VPS13B: variants seen among roughly 807,000 people sequenced by gnomAD.
VPS13B encodes intermembrane lipid transfer protein VPS13B.
In VPS13B, 285 loss-of-function variants were observed where a neutral mutation model predicts 426.4. The observed-to-expected ratio is 0.67, with a 90% CI of 0.61 to 0.74. The LOEUF (loss-of-function observed/expected upper bound fraction) is 0.74, where lower values mean the gene tolerates loss of function less well. Among genes scored for constraint, VPS13B ranks in the 30% least tolerant of loss-of-function variants. The probability of loss-of-function intolerance (pLI) is 0.00; values close to 1 mark genes in which losing one functional copy is unlikely to be tolerated. For synonymous variants in VPS13B, 1,676 were observed against 1,676.4 expected, an observed-to-expected ratio of 1.00 and a Z score of 0.01; for missense variants, 4,537 against 4,782.6, an observed-to-expected ratio of 0.95 and a Z score of 1.51.
chr8:99,756,021 T>A (rs963577614), intron 39 of VPS13B, among the ~76,000 whole-genome samples: 8 of 152,046 alleles, frequency 5.3e-5, no homozygotes, highest in African/African-American at 1.7e-4. Flanking sequence ...AGCCCAGATG[T>A]TGGACTTATT....
intron 14 of VPS13B, among the ~76,000 whole-genome samples, chr8:99,152,948 G>A (rs1811151164): frequency 6.6e-6 from 1 of 152,110 alleles, no homozygotes; most frequent in African/African-American, 2.4e-5. Context: ...AGGTAGAAGT[G>A]GACTGATCAC....
chr8:99,172,041 T>C (rs1416229049), intron 16 of VPS13B, among the ~76,000 whole-genome samples: 1 of 152,138 alleles, frequency 6.6e-6, no homozygotes, highest in Non-Finnish European at 1.5e-5. Flanking sequence ...GGCGAAGAAT[T>C]TGGACAGTTA....
intron 19 of VPS13B, among the ~76,000 whole-genome samples, chr8:99,333,424 C>T (rs1038616317): frequency 2.6e-5 from 4 of 151,752 alleles, no homozygotes; most frequent in African/African-American, 9.7e-5. Context: ...ATGATAACAT[C>T]TTACAAAATT....
Position 99,346,856 on chromosome 8 carries a change from T to C in VPS13B, c.2825-37352T>C, listed in dbSNP as rs182048320. On this transcript the variant is annotated intron_variant, in intron 19 of 61. Transcript: ENST00000357162. ...CATGGTTGTCAGGAAGTAAATCTCT[T>C]GGTTGAAGTTGATGGTGACAGAAAT... 6 of 152,578 alleles carry C rather than the reference T, an allele frequency of 3.9e-5. No individual in the cohort carries two copies. The East Asian group carries it at 1.2e-3, about 29-fold the overall frequency. 9.5% of individuals were successfully genotyped at this position (152,578 alleles called of 1,614,324 possible). A position where few individuals can be genotyped will look rare whatever the true frequency, so the allele number is the denominator to read the frequency against.
chr8:99,360,283 TTTC>T (rs1812489315), intron 19 of VPS13B, among the ~76,000 whole-genome samples: 9 of 141,384 alleles, frequency 6.4e-5, no homozygotes, highest in African/African-American at 2.4e-4. Flanking sequence ...TCCTTCCTTC[TTTC>T]TTTTTTTTTG....
At chr8:99,465,782 A>T (rs185645112) in intron 23 of VPS13B, among the ~76,000 whole-genome samples, 1 of 152,036 alleles carries the variant, frequency 6.6e-6, no homozygotes. Flanking sequence ...TCCTAGGGGG[A>T]AAAATATTTT....
chr8:99,104,103 C>A (rs1264183913), intron 5 of VPS13B, among the ~76,000 whole-genome samples: 4 of 152,166 alleles, frequency 2.6e-5, no homozygotes, highest in Non-Finnish European at 4.4e-5. Flanking sequence ...AGTGTACTTA[C>A]ACAAACCTAG....
At chr8:99,480,304 C>T (rs1160363257) in intron 24 of VPS13B, among the ~76,000 whole-genome samples, 3 of 152,130 alleles carry the variant, frequency 2.0e-5, no homozygotes, top group East Asian at 1.9e-4. Flanking sequence ...ACAGTGTACT[C>T]GTTGCCATTC....
At chr8:99,444,309 G>A (rs1304062311) in intron 23 of VPS13B, among the ~76,000 whole-genome samples, 1 of 152,036 alleles carries the variant, frequency 6.6e-6, no homozygotes, top group Non-Finnish European at 1.5e-5. Context: ...ATATTGGCCA[G>A]GCTGGTTTCA....
At chr8:99,652,717 T>A (rs574937153) in intron 34 of VPS13B, among the ~76,000 whole-genome samples, 1 of 152,240 alleles carries the variant, frequency 6.6e-6, no homozygotes, top group African/African-American at 2.4e-5. Flanking sequence ...ATATGCCTCT[T>A]TAGAATTAAG....
At chr8:99,532,242 C>A (rs1487019) in intron 30 of VPS13B, among the ~76,000 whole-genome samples, 152,257 of 152,260 alleles carry the variant, frequency 1, 76,127 homozygotes, top group Middle Eastern at 1. Context: ...AACCGTTTTA[C>A]ATTTTTTTGC....
chr8:99,612,048 A>G (rs936172110), intron 33 of VPS13B, among the ~76,000 whole-genome samples: 1 of 152,146 alleles, frequency 6.6e-6, no homozygotes, highest in Non-Finnish European at 1.5e-5. Flanking sequence ...GAGACACAGA[A>G]AATTTTAAGT....
chr8:99,357,438 A>T (rs1339452486), intron 19 of VPS13B, among the ~76,000 whole-genome samples: 1 of 152,160 alleles, frequency 6.6e-6, no homozygotes, highest in Non-Finnish European at 1.5e-5. Flanking sequence ...TCAGATTAAC[A>T]AACTGTTATG....
intron 21 of VPS13B, among the ~76,000 whole-genome samples, chr8:99,416,393 C>T (rs1234601624): frequency 1.3e-5 from 2 of 152,140 alleles, no homozygotes; most frequent in Non-Finnish European, 2.9e-5. Context: ...CCACTTGCCT[C>T]CCTGACTTCA....
chr8:99,779,203 G>A (rs1811889167), intron 42 of VPS13B, among the ~76,000 whole-genome samples, 172 bp downstream of exon 42: 1 of 152,198 alleles, frequency 6.6e-6, no homozygotes, highest in African/African-American at 2.4e-5. Flanking sequence ...AGTGATGCAT[G>A]TTATTTTTGA....
Position 99,643,724 on chromosome 8 carries a change from G to A in VPS13B, c.5908+1226G>A, listed in dbSNP as rs547409152. On this transcript the variant is annotated intron_variant, in intron 34 of 61. Coordinates refer to ENST00000357162, the MANE Select transcript of VPS13B (RefSeq NM_152564.5). Reference sequence around the variant, plus strand: ...TGGCCATGGTGAAAGTATTTATGCCGCAGATGCTTGCAAACTCAATCATAT... The same window carrying A: ...TGGCCATGGTGAAAGTATTTATGCCACAGATGCTTGCAAACTCAATCATAT... Among the ~76,000 whole-genome samples the A allele has an allele frequency of 1.4e-4, 22 of 152,234 alleles. No homozygotes were observed. In the South Asian group the frequency reaches 1.9e-3, roughly 13 times the overall value.
chr8:99,430,628 AT>A (rs1237971856), intron 21 of VPS13B, among the ~76,000 whole-genome samples: 1 of 152,056 alleles, frequency 6.6e-6, no homozygotes, highest in Non-Finnish European at 1.5e-5. Context: ...AGGGAGTGGA[AT>A]ATTACATTTC....
intron 35 of VPS13B, among the ~76,000 whole-genome samples, chr8:99,691,914 T>G (rs1202225659): frequency 6.7e-6 from 1 of 150,142 alleles, no homozygotes; most frequent in East Asian, 2.0e-4. Flanking sequence ...TAAAACAGAC[T>G]TTAAACCAAC....
intron 24 of VPS13B, among the ~76,000 whole-genome samples, chr8:99,476,860 G>A (rs1205620588): frequency 6.6e-6 from 1 of 152,174 alleles, no homozygotes; most frequent in Non-Finnish European, 1.5e-5. Context: ...CCAGATGGCT[G>A]AGCATCTCTT....
Sources: gnomAD v4.1 joint callset for allele counts (sites outside exome capture counted in the v4.1 genomes callset) on GRCh38, gnomAD v4.1.1 for gene constraint, MANE v1.5 for transcripts, NCBI Gene and HGNC (gene_info 2026-07-23, HGNC 2026-07-21) for gene names.